Variants in CEP89 observed in about 807,000 individuals in gnomAD.
CEP89 encodes centrosomal protein 89, also known as centrosomal protein of 89 kDa.
A neutral mutation model predicts 97.6 loss-of-function variants in CEP89; 95 were observed. The observed-to-expected ratio is 0.97, with a 90% CI of 0.82 to 1.15. CEP89 has a LOEUF of 1.15. CEP89 is among the 50% of genes most tolerant of loss of function. The pLI is 0.00. For synonymous variants in CEP89, 354 were observed against 349.1 expected, an observed-to-expected ratio of 1.01 and a Z score of -0.16; for missense variants, 869 against 947.7, an observed-to-expected ratio of 0.92 and a Z score of 1.09.
At chr19:32,961,502 C>T (rs1225612238) in intron 2 of CEP89, among the ~76,000 whole-genome samples, 7 of 145,538 alleles carry the variant, frequency 4.8e-5, no homozygotes, top group Non-Finnish European at 1.5e-5. Context: ...TGGCGTGAAC[C>T]TGGGAGGTGG....
At chr19:32,948,852 G>C (rs1179616725) in intron 4 of CEP89, among the ~76,000 whole-genome samples, 2 of 152,136 alleles carry the variant, frequency 1.3e-5, no homozygotes, top group African/African-American at 2.4e-5. Flanking sequence ...AGCCTCTGGA[G>C]TAGCTGGGAC....
intron 7 of CEP89, among the ~76,000 whole-genome samples, chr19:32,935,625 A>C (rs1970563797): frequency 6.6e-6 from 1 of 152,166 alleles, no homozygotes; most frequent in African/African-American, 2.4e-5. Flanking sequence ...AATAAAGTTA[A>C]TCTGACGCGG....
intron 17 of CEP89, among the ~76,000 whole-genome samples, chr19:32,886,483 G>A (rs188069894): frequency 6.6e-6 from 1 of 152,274 alleles, no homozygotes; most frequent in African/African-American, 2.4e-5. Flanking sequence ...GGATTTCCAA[G>A]GTGATGTCCT....
chr19:32,918,718 T>C lies in CEP89; in HGVS notation c.1269-379A>G, dbSNP rs1030857179. Among the ~76,000 whole-genome samples, 14 of 152,254 alleles carry C rather than the reference T, an allele frequency of 9.2e-5. No homozygotes were observed. In the East Asian group the frequency reaches 2.7e-3, roughly 29 times the overall value. On this transcript the variant is annotated intron_variant, in intron 12 of 18. Coordinates refer to ENST00000305768, the MANE Select transcript of CEP89 (RefSeq NM_032816.5). ...GCCCACTATATTATTCTGAAGCCCA[T>C]ATGGAACATGTTTAAAGAATTTAGA...
At chr19:32,905,260 T>G (rs1017717160) in intron 14 of CEP89, among the ~76,000 whole-genome samples, 4 of 152,174 alleles carry the variant, frequency 2.6e-5, no homozygotes, top group South Asian at 2.1e-4. Flanking sequence ...ATGTTAGAAT[T>G]TAATAGAAGT....
At chr19:32,900,067 C>G in intron 15 of CEP89, 69 bp from the exon 16 acceptor site, 1 of 1,428,376 alleles carries the variant, frequency 7.0e-7, no homozygotes, top group Non-Finnish European at 9.8e-7. Context: ...TGGTGAATAT[C>G]TGTATTACAA....
At chr19:32,898,401 G>GT (rs558737258) in intron 16 of CEP89, among the ~76,000 whole-genome samples, 26 of 152,264 alleles carry the variant, frequency 1.7e-4, no homozygotes, top group Admixed American at 9.2e-4. Flanking sequence ...GGGTGTGTTT[G>GT]TGGGGGGCTG....
intron 14 of CEP89, 24 bp from the exon 15 acceptor site, chr19:32,901,436 C>G (rs575487856): frequency 1.2e-6 from 2 of 1,605,690 alleles, no homozygotes; most frequent in Non-Finnish European, 1.7e-6. Flanking sequence ...ACATTACATG[C>G]TCGTATCCAG....
intron 2 of CEP89, among the ~76,000 whole-genome samples, 165 bp from the exon 3 acceptor site, chr19:32,960,223 A>C (rs916489700): frequency 6.6e-6 from 1 of 152,166 alleles, no homozygotes; most frequent in African/African-American, 2.4e-5. Flanking sequence ...ATCTCATTTG[A>C]TTCTCACACA....
rs1193810950 is a variant in CEP89 at position 32,933,623 on chromosome 19, T to C, written c.714A>G (p.Glu238=). The C allele has an allele frequency of 1.2e-6, 2 of 1,613,534 alleles. No homozygotes were observed. Among genetic ancestry groups the C allele is most frequent in the Non-Finnish European group, 1.7e-6 (2 of 1,179,450 alleles). ...ARQRYTEITR[E]KFEALKEENM... is the part of the protein sequence containing the mutation. ...TTTCTTCTTTTAATGCCTCAAACTT[T>C]TCTCTGGTTATTTCTGTATATCTTT... The change falls in exon 8 of 19, where the codon GAA becomes GAG. Residue 238 remains glutamate (E), a synonymous_variant. Transcript: ENST00000305768.
chr19:32,883,198 A>G (rs921722967), intron 17 of CEP89, among the ~76,000 whole-genome samples: 2 of 152,076 alleles, frequency 1.3e-5, no homozygotes, highest in African/African-American at 4.8e-5. Context: ...AGAGTCTGAC[A>G]TGTAGTCCCA....
chr19:32,921,364 C>T (rs1970246099), intron 12 of CEP89, among the ~76,000 whole-genome samples: 1 of 152,168 alleles, frequency 6.6e-6, no homozygotes, highest in Non-Finnish European at 1.5e-5. Flanking sequence ...TGTGATGCTC[C>T]AGAGCCCAGA....
At chr19:32,935,931 G>T (rs1970571401) in intron 7 of CEP89, among the ~76,000 whole-genome samples, 1 of 152,156 alleles carries the variant, frequency 6.6e-6, no homozygotes, top group South Asian at 2.1e-4. Flanking sequence ...TGCTCCAGAG[G>T]TATGGTCAGG....
chr19:32,950,348 C>T (rs191799716), intron 4 of CEP89, among the ~76,000 whole-genome samples: 47 of 152,260 alleles, frequency 3.1e-4, no homozygotes, highest in Admixed American at 5.9e-4. Flanking sequence ...CACCTGAAGT[C>T]GGGAGTTCAA....
chr19:32,890,561 G>A (rs546052351), intron 16 of CEP89, among the ~76,000 whole-genome samples: 2 of 152,274 alleles, frequency 1.3e-5, no homozygotes, highest in African/African-American at 4.8e-5. Flanking sequence ...AACTCGACAG[G>A]GGAGGGCTGG....
At chr19:32,954,825 T>C (rs866476754) in intron 3 of CEP89, among the ~76,000 whole-genome samples, 4 of 118,192 alleles carry the variant, frequency 3.4e-5, no homozygotes, top group Non-Finnish European at 8.5e-5. Flanking sequence ...CCACCACACC[T>C]GGCTAATTTT....
At chr19:32,923,054 C>G (rs1293137643) in intron 12 of CEP89, among the ~76,000 whole-genome samples, 2 of 152,038 alleles carry the variant, frequency 1.3e-5, no homozygotes, top group African/African-American at 4.8e-5. Context: ...GTCGTGCAAG[C>G]CTCATGAGCT....
intron 4 of CEP89, among the ~76,000 whole-genome samples, chr19:32,951,534 T>TATATATATATATATACACAC (rs1407110112): frequency 1.3e-4 from 16 of 122,034 alleles, no homozygotes; most frequent in African/African-American, 5.1e-4. Flanking sequence ...TATATATATA[T>TATATATATATATATACACAC]ACACACACAC....
intron 5 of CEP89, among the ~76,000 whole-genome samples, chr19:32,946,628 G>A (rs370181966): frequency 3.3e-5 from 5 of 152,058 alleles, no homozygotes; most frequent in Non-Finnish European, 7.3e-5. Flanking sequence ...TCATATTGTC[G>A]GAGGGACCCA....
Sources: allele counts gnomAD v4.1 joint callset (sites outside exome capture counted in the v4.1 genomes callset), GRCh38; gene constraint gnomAD v4.1.1; transcripts MANE v1.5; gene names NCBI Gene and HGNC (gene_info 2026-07-23, HGNC 2026-07-21).